The following PCDHGB4 variants were observed in gnomAD, a reference collection of about 807,000 sequenced individuals.
PCDHGB4 encodes the protein protocadherin gamma subfamily B, 4, also known as protocadherin gamma-B4.
A neutral mutation model predicts 60.5 loss-of-function variants in PCDHGB4; 38 were observed. The ratio of observed to expected loss-of-function variants is 0.63; its 90% CI spans 0.48 to 0.82. The LOEUF is 0.82. Ranked by LOEUF, PCDHGB4 falls within the 40% of genes least tolerant of loss-of-function variation. The probability of loss-of-function intolerance (pLI) is 0.00; values close to 1 mark genes in which losing one functional copy is unlikely to be tolerated. For synonymous variants in PCDHGB4, 456 were observed against 509.7 expected, an observed-to-expected ratio of 0.89 and a Z score of 1.42; for missense variants, 1,109 against 1,209.6, an observed-to-expected ratio of 0.92 and a Z score of 1.23.
chr5:141,477,469 T>C lies in PCDHGB4; in HGVS notation c.2398-17338T>C, dbSNP rs2099411540. ...TGCGTGTTCAAGTGTCCGACATCAA[T>C]GACAACCCTCCACAATCTTCTCAAT... On this transcript the variant is annotated intron_variant, in intron 1 of 3. Coordinates refer to ENST00000519479, the MANE Select transcript of PCDHGB4 (RefSeq NM_003736.4). The surrounding 1 kb of genome is among the most constrained non-coding windows in gnomAD (Gnocchi z 4.9). 6.2e-7 allele frequency: 1 copy of C among 1,614,028 alleles called. No homozygotes were observed. Among genetic ancestry groups the C allele is most frequent in the South Asian group, 1.1e-5 (1 of 91,078 alleles).
At chr5:141,460,883 C>T (rs371847673) in intron 1 of PCDHGB4, among the ~76,000 whole-genome samples, 2 of 149,996 alleles carry the variant, frequency 1.3e-5, no homozygotes, top group East Asian at 2.0e-4. Context: ...TATTTCATGC[C>T]TTTTCGTGGC....
intron 1 of PCDHGB4, among the ~76,000 whole-genome samples, chr5:141,452,689 C>G (rs1198702467): frequency 6.6e-6 from 1 of 151,562 alleles, no homozygotes; most frequent in Non-Finnish European, 1.5e-5. Context: ...AGAATGAAAC[C>G]CTGTCAAGAA....
At chr5:141,418,441 A>G (rs2096258419) in intron 1 of PCDHGB4, 3 of 1,614,000 alleles carry the variant, frequency 1.9e-6, no homozygotes, top group South Asian at 1.1e-5. Flanking sequence ...ATCCAGAATT[A>G]GTATTGCAGA....
rs142329128 is a variant in PCDHGB4, at chr5:141,439,495, C to T, written c.2397+49214C>T. Among the ~76,000 whole-genome samples the T allele has an allele frequency of 9.7e-4, 147 of 152,324 alleles. 1 individual carries two copies. The highest frequency in any genetic ancestry group is 3.4e-3 in the African/African-American group (140 of 41,568). ...TCAGCTTGCAAATTCCAGTGAGAAACGTCTTTCTCTCTGCTCTCAACTAAC... is the reference window on the plus strand; with the variant it reads ...TCAGCTTGCAAATTCCAGTGAGAAATGTCTTTCTCTCTGCTCTCAACTAAC... On this transcript the variant is annotated intron_variant, in intron 1 of 3. Coordinates refer to ENST00000519479, the MANE Select transcript of PCDHGB4 (RefSeq NM_003736.4).
Position 141,475,033 on chromosome 5 carries a change from A to G in PCDHGB4, c.2398-19774A>G, listed in dbSNP as rs1223709259. 2.0e-5 allele frequency among the ~76,000 whole-genome samples: 3 copies of G among 152,362 alleles called. No individual in the cohort carries two copies. In the East Asian group the frequency reaches 5.8e-4, roughly 29 times the overall value. ...TTAAGGCTCTTTATTCTGTGACTAA[A>G]GGCTTTGTATTTTCTAAAGATTTGT... is the stretch of plus-strand genomic sequence containing the variant. On this transcript the variant is annotated intron_variant, in intron 1 of 3. Transcript: ENST00000519479.
chr5:141,467,506 G>A (rs1364362269), intron 1 of PCDHGB4, among the ~76,000 whole-genome samples: 1 of 152,094 alleles, frequency 6.6e-6, no homozygotes, highest in Non-Finnish European at 1.5e-5. Flanking sequence ...TGATCTAATT[G>A]GAGTTTATTC....
At chr5:141,421,889 C>T (rs1280668349) in intron 1 of PCDHGB4, 5 of 1,613,574 alleles carry the variant, frequency 3.1e-6, no homozygotes, top group African/African-American at 1.3e-5. Flanking sequence ...GGAGGCGATC[C>T]CATCCGAAAG....
chr5:141,423,874 A>G (rs1264795133), intron 1 of PCDHGB4: 2 of 1,283,268 alleles, frequency 1.6e-6, no homozygotes, highest in East Asian at 3.1e-5. Context: ...GTCATTTTTC[A>G]ATCTTGGCAT....
intron 1 of PCDHGB4, chr5:141,399,509 AC>A: frequency 6.2e-7 from 1 of 1,613,968 alleles, no homozygotes; most frequent in Non-Finnish European, 8.5e-7. Flanking sequence ...CCCGAAAACA[AC>A]CCTCCTGGGG....
At chr5:141,425,248 G>GGCTGGGAAA (rs2096864506) in intron 1 of PCDHGB4, among the ~76,000 whole-genome samples, 1 of 152,178 alleles carries the variant, frequency 6.6e-6, no homozygotes, top group Non-Finnish European at 1.5e-5. Context: ...AAAAGGATAT[G>GGCTGGGAAA]AGGTATTTGG....
rs998564450 is a variant in PCDHGB4 at position 141,401,627 on chromosome 5, G to T, written c.2397+11346G>T. The stretch of plus-strand genomic sequence containing the variant: ...AAAAAGACACCGGATTTGTCTTATC[G>T]TTTGGAGCTTTAAATATAAATGACT... On this transcript the variant is annotated intron_variant, in intron 1 of 3. Coordinates refer to ENST00000519479, the MANE Select transcript of PCDHGB4 (RefSeq NM_003736.4). Among the ~76,000 whole-genome samples the T allele has an allele frequency of 2.6e-5, 4 of 152,294 alleles. No homozygotes were observed. In the South Asian group the frequency reaches 8.3e-4, roughly 32 times the overall value.
chr5:141,476,264 G>T lies in PCDHGB4; in HGVS notation c.2398-18543G>T, dbSNP rs753184649. On this transcript the variant is annotated intron_variant, in intron 1 of 3. Coordinates refer to ENST00000519479, the MANE Select transcript of PCDHGB4 (RefSeq NM_003736.4). This position sits in a 1 kb window ranked among gnomAD's most constrained non-coding sequence, Gnocchi z 7.6. ...AGAGAAGGGTTTCGCTGTGGGCAAC[G>T]TGGTCGCGAACCTTGGTTTGGATCT... The T allele has an allele frequency of 5.0e-6, 8 of 1,613,964 alleles. No individual in the cohort carries two copies. In the African/African-American group the frequency reaches 8.0e-5, roughly 16 times the overall value.
chr5:141,459,573 T>TTC (rs2098970689), intron 1 of PCDHGB4, among the ~76,000 whole-genome samples: 1 of 152,208 alleles, frequency 6.6e-6, no homozygotes, highest in Non-Finnish European at 1.5e-5. Context: ...CAAAACAGAA[T>TTC]TGTTTTGGGG....
At chr5:141,413,702 T>G (rs1448671585) in intron 1 of PCDHGB4, 4 of 1,613,606 alleles carry the variant, frequency 2.5e-6, no homozygotes, top group Non-Finnish European at 3.4e-6. Flanking sequence ...AGCTATCAGC[T>G]CAGCCCCAAT....
intron 1 of PCDHGB4, chr5:141,422,932 C>G: frequency 6.2e-7 from 1 of 1,614,252 alleles, no homozygotes; most frequent in Non-Finnish European, 8.5e-7. Context: ...CCCTGCCCTC[C>G]CCACAGACGG....
intron 1 of PCDHGB4, among the ~76,000 whole-genome samples, chr5:141,460,003 A>AG (rs1177398494): frequency 6.6e-6 from 1 of 152,186 alleles, no homozygotes; most frequent in African/African-American, 2.4e-5. Context: ...GCTTGAACCC[A>AG]GGAGGCGGAG....
At chr5:141,430,633 C>T in intron 1 of PCDHGB4, 1 of 868,018 alleles carries the variant, frequency 1.2e-6, no homozygotes, top group Non-Finnish European at 1.7e-6. Context: ...ATGAACCATC[C>T]CTGGGAGTAT....
intron 1 of PCDHGB4, chr5:141,423,134 G>A: frequency 6.2e-7 from 1 of 1,613,680 alleles, no homozygotes; most frequent in South Asian, 1.1e-5. Flanking sequence ...CTGCTGGACA[G>A]AGACGCGCTC....
At chr5:141,457,230 A>G (rs1248092452) in intron 1 of PCDHGB4, among the ~76,000 whole-genome samples, 2 of 152,174 alleles carry the variant, frequency 1.3e-5, no homozygotes, top group African/African-American at 4.8e-5. Flanking sequence ...GGTAATTTCC[A>G]TCTAAAATTT....
Sources: allele counts gnomAD v4.1 joint callset (sites outside exome capture counted in the v4.1 genomes callset), GRCh38; gene constraint gnomAD v4.1.1; non-coding constraint Gnocchi (gnomAD v3.1); transcripts MANE v1.5; gene names NCBI Gene and HGNC (gene_info 2026-07-23, HGNC 2026-07-21).